Variants in LDLRAD4 observed in about 807,000 individuals in gnomAD.
The protein encoded by LDLRAD4 is low-density lipoprotein receptor class A domain-containing protein 4.
LDLRAD4 carries 5 observed loss-of-function variants against 17.0 expected under a neutral mutation model. The observed-to-expected ratio is 0.29, with a 90% CI of 0.15 to 0.62. The LOEUF (loss-of-function observed/expected upper bound fraction) is 0.62. LDLRAD4 is among the 20% of genes least tolerant of loss of function. The probability of loss-of-function intolerance (pLI) is 0.84; values close to 1 mark genes in which losing one functional copy is unlikely to be tolerated. For synonymous variants in LDLRAD4, 168 were observed against 171.8 expected, an observed-to-expected ratio of 0.98 and a Z score of 0.17; for missense variants, 340 against 424.7, an observed-to-expected ratio of 0.80 and a Z score of 1.75.
intron 4 of LDLRAD4, among the ~76,000 whole-genome samples, chr18:13,634,893 A>T (rs886385652): frequency 1.3e-5 from 2 of 152,180 alleles, no homozygotes; most frequent in Non-Finnish European, 2.9e-5. Flanking sequence ...TATATAGACC[A>T]GTGGAATAGA....
intron 1 of LDLRAD4, among the ~76,000 whole-genome samples, chr18:13,342,224 G>A (rs79651815): frequency 2.0e-3 from 298 of 151,952 alleles, no homozygotes; most frequent in Non-Finnish European, 2.8e-3. Flanking sequence ...GTATAGTTTC[G>A]GTATCAGGGT....
At chr18:13,485,793 C>T (rs1178749639) in intron 3 of LDLRAD4, among the ~76,000 whole-genome samples, 3 of 152,216 alleles carry the variant, frequency 2.0e-5, no homozygotes, top group Non-Finnish European at 2.9e-5. Flanking sequence ...GCAAGAGGAT[C>T]GCTTGAGCCC....
intron 3 of LDLRAD4, among the ~76,000 whole-genome samples, chr18:13,538,541 T>A (rs2094231223): frequency 6.6e-6 from 1 of 152,010 alleles, no homozygotes; most frequent in Admixed American, 6.6e-5. Flanking sequence ...TTTTTTTTTT[T>A]TTTGAGACAA....
intron 2 of LDLRAD4, among the ~76,000 whole-genome samples, chr18:13,434,846 G>T (rs890127710): frequency 3.9e-5 from 6 of 152,216 alleles, no homozygotes; most frequent in African/African-American, 1.4e-4. Context: ...TAAAGAGGAG[G>T]CTTGCTGTAT....
intron 3 of LDLRAD4, among the ~76,000 whole-genome samples, chr18:13,572,271 T>G (rs1353325681): frequency 6.6e-6 from 1 of 152,220 alleles, no homozygotes; most frequent in East Asian, 1.9e-4. Context: ...GGTTTTCAAG[T>G]AACAAAAGAA....
chr18:13,492,120 C>T (rs1372560755), intron 3 of LDLRAD4, among the ~76,000 whole-genome samples: 1 of 152,166 alleles, frequency 6.6e-6, no homozygotes, highest in Non-Finnish European at 1.5e-5. Context: ...ACCCAAGACA[C>T]CAAGACAAGA....
intron 1 of LDLRAD4, among the ~76,000 whole-genome samples, chr18:13,378,735 AC>A (rs1599785717): frequency 1.3e-5 from 2 of 152,016 alleles, no homozygotes; most frequent in East Asian, 3.9e-4. Flanking sequence ...TCACCCACAC[AC>A]TTTCTCTAAT....
intron 1 of LDLRAD4, among the ~76,000 whole-genome samples, chr18:13,223,802 G>C (rs928893276): frequency 6.6e-6 from 1 of 152,138 alleles, no homozygotes; most frequent in African/African-American, 2.4e-5. Context: ...CTGTGACATG[G>C]GTCCTCCTGC....
chr18:13,579,122 G>A lies in LDLRAD4; in HGVS notation c.182-41995G>A, dbSNP rs546378771. ...GGAGAATTGCTTGAAGCTGGGAGGC[G>A]GAGCTTGCAGTGAGCCGAGATCGCA... On this transcript the variant is annotated intron_variant, in intron 3 of 5. Coordinates refer to ENST00000359446, the Ensembl canonical transcript of LDLRAD4. Among the ~76,000 whole-genome samples the A allele has an allele frequency of 8.2e-4, 124 of 151,992 alleles. 1 individual carries two copies. Among genetic ancestry groups the A allele is most frequent in the Non-Finnish European group, 1.6e-3 (107 of 67,992 alleles).
chr18:13,574,873 C>G (rs993906812), intron 3 of LDLRAD4, among the ~76,000 whole-genome samples: 2 of 152,242 alleles, frequency 1.3e-5, no homozygotes, highest in Admixed American at 1.3e-4. Flanking sequence ...ATGGGAATAT[C>G]TATCTGGGAC....
intron 1 of LDLRAD4, among the ~76,000 whole-genome samples, chr18:13,296,521 C>G (rs1328188462): frequency 1.3e-5 from 2 of 151,838 alleles, no homozygotes; most frequent in Non-Finnish European, 2.9e-5. Context: ...TTTTCCTTTT[C>G]CAGTAAGGAC....
chr18:13,388,127 G>T (rs1243541461), intron 2 of LDLRAD4, among the ~76,000 whole-genome samples: 4 of 152,182 alleles, frequency 2.6e-5, no homozygotes, highest in African/African-American at 9.7e-5. Context: ...AAGATTCTCC[G>T]AGGGAAAAGA....
At chr18:13,487,914 G>A (rs1168369474) in intron 3 of LDLRAD4, 1 of 152,772 alleles carries the variant, frequency 6.5e-6, no homozygotes. Context: ...AGAGCAAGGG[G>A]GAGATGGGAG....
rs184752861 is a variant in LDLRAD4 at position 13,309,225 on chromosome 18, A to G, written c.-383+31037A>G. On this transcript the variant is annotated intron_variant, in intron 1 of 5. Transcript: ENST00000359446. ...CATGGCGTGGATTGTGGGCAGTCAC[A>G]GGGAAGACCTCTGGCTTTGCTGGGA... Among the ~76,000 whole-genome samples the G allele has an allele frequency of 3.5e-3, 532 of 152,340 alleles. 1 individual carries two copies. Among genetic ancestry groups the G allele is most frequent in the Non-Finnish European group, 6.0e-3 (411 of 68,036 alleles).
rs1477008062 is a variant in LDLRAD4 at position 13,621,391 on chromosome 18, C to T, written c.336+120C>T. The T allele has an allele frequency of 4.2e-6, 3 of 719,040 alleles. No individual in the cohort carries two copies. The highest frequency in any genetic ancestry group is 1.8e-5 in the African/African-American group (1 of 57,142). 44.5% of individuals were successfully genotyped at this position (719,040 alleles called of 1,614,324 possible). ...CATGTAACAAACGGGGCGAAGCGCA[C>T]CTCGTAAGTGTTCCACTTAGTGAGT... On this transcript the variant is annotated intron_variant, in intron 4 of 5. Coordinates refer to ENST00000359446, the Ensembl canonical transcript of LDLRAD4. This position sits in a 1 kb window ranked among gnomAD's most constrained non-coding sequence, Gnocchi z 5.5.
chr18:13,506,246 G>T (rs2093691581), intron 3 of LDLRAD4, among the ~76,000 whole-genome samples: 1 of 151,490 alleles, frequency 6.6e-6, no homozygotes, highest in African/African-American at 2.4e-5. Context: ...TATACTTTAA[G>T]TTCTAGGGTA....
At chr18:13,538,529 G>GTTT (rs757970920) in intron 3 of LDLRAD4, among the ~76,000 whole-genome samples, 4 of 144,584 alleles carry the variant, frequency 2.8e-5, no homozygotes, top group Non-Finnish European at 1.5e-5. Flanking sequence ...TGATGTCTAT[G>GTTT]ATTTTTTTTT....
chr18:13,340,979 A>G (rs1447787032), intron 1 of LDLRAD4, among the ~76,000 whole-genome samples: 1 of 152,132 alleles, frequency 6.6e-6, no homozygotes, highest in Non-Finnish European at 1.5e-5. Context: ...CATTTGTTGA[A>G]TATTGTTCTT....
chr18:13,426,995 C>T (rs2089986754), intron 2 of LDLRAD4, among the ~76,000 whole-genome samples: 1 of 151,948 alleles, frequency 6.6e-6, no homozygotes, highest in Non-Finnish European at 1.5e-5. Context: ...ACCATCCTGG[C>T]CAACATGGTG....
Sources: gnomAD v4.1 joint callset for allele counts (sites outside exome capture counted in the v4.1 genomes callset) on GRCh38, gnomAD v4.1.1 for gene constraint, Gnocchi (gnomAD v3.1) non-coding constraint, MANE v1.5 for transcripts, NCBI Gene and HGNC (gene_info 2026-07-23, HGNC 2026-07-21) for gene names.